LRRIQ1: variants seen among roughly 807,000 people sequenced by gnomAD.
LRRIQ1 encodes leucine rich repeats and IQ motif containing 1, also known as leucine-rich repeat- and IQ domain-containing protein 1.
Under a neutral mutation model 211.9 loss-of-function variants are expected in LRRIQ1, and 210 were observed. That is an observed-to-expected ratio of 0.99 (90% confidence interval 0.89 to 1.11). LRRIQ1 has a LOEUF of 1.11. LRRIQ1 is among the 50% of genes most tolerant of loss of function. The pLI, the probability that LRRIQ1 is intolerant of heterozygous loss-of-function variation, is 0.00. For synonymous variants in LRRIQ1, 699 were observed against 650.1 expected (o/e 1.08, Z -1.14); for missense variants, 2,136 against 1,939.5 (o/e 1.10, Z -1.90).
At chr12:85,042,361 A>G (rs760857141) in intron 3 of LRRIQ1, among the ~76,000 whole-genome samples, 18 of 149,848 alleles carry the variant, frequency 1.2e-4, no homozygotes, top group Non-Finnish European at 1.9e-4. Flanking sequence ...TTAATTATTT[A>G]AAATCGTTAA....
chr12:85,145,869 G>A (rs552129207), intron 19 of LRRIQ1, among the ~76,000 whole-genome samples: 22 of 151,800 alleles, frequency 1.4e-4, no homozygotes, highest in African/African-American at 4.1e-4. Flanking sequence ...AAAATCTGTC[G>A]TAAGTCATGC....
At chr12:85,041,593 T>C (rs953583282) in intron 3 of LRRIQ1, among the ~76,000 whole-genome samples, 17 of 151,636 alleles carry the variant, frequency 1.1e-4, no homozygotes, top group African/African-American at 3.6e-4. Flanking sequence ...TTAATATGTT[T>C]GAATAACAGC....
chr12:85,166,542 T>G (rs1422509739), intron 24 of LRRIQ1, among the ~76,000 whole-genome samples: 2 of 152,238 alleles, frequency 1.3e-5, no homozygotes, highest in African/African-American at 4.8e-5. Context: ...ACTTTAGAAT[T>G]ATAAGCATTT....
intron 1 of LRRIQ1, among the ~76,000 whole-genome samples, chr12:85,257,407 C>T (rs953187170): frequency 6.7e-6 from 1 of 149,882 alleles, no homozygotes; most frequent in African/African-American, 2.4e-5. Context: ...TGGGAATAGA[C>T]CTTTCCCAAA....
At chr12:85,038,627 T>G (rs572951871) in intron 2 of LRRIQ1, among the ~76,000 whole-genome samples, 73 of 151,808 alleles carry the variant, frequency 4.8e-4, no homozygotes, top group African/African-American at 1.7e-3. Flanking sequence ...CAAATTATCC[T>G]TTTATTTGTG....
intron 24 of LRRIQ1, among the ~76,000 whole-genome samples, chr12:85,180,364 AAAT>A (rs1465108568): frequency 6.6e-6 from 1 of 152,006 alleles, no homozygotes; most frequent in Non-Finnish European, 1.5e-5. Context: ...TCAAAAAACT[AAAT>A]AATATTTTCC....
At chr12:85,082,871 A>T (rs11116697) in intron 11 of LRRIQ1, among the ~76,000 whole-genome samples, 8,666 of 152,182 alleles carry the variant, frequency 0.057, 834 homozygotes, top group African/African-American at 0.2. Flanking sequence ...ATTTGGAATG[A>T]AAGTTTGGCC....
intron 24 of LRRIQ1, among the ~76,000 whole-genome samples, chr12:85,196,912 T>C (rs979092498): frequency 2.2e-4 from 33 of 151,908 alleles, no homozygotes; most frequent in African/African-American, 7.7e-4. Flanking sequence ...GGGAGAAAAT[T>C]TTTGCAACCT....
chr12:85,187,810 A>C (rs893809320), intron 24 of LRRIQ1, among the ~76,000 whole-genome samples: 2 of 136,330 alleles, frequency 1.5e-5, no homozygotes, highest in Non-Finnish European at 3.1e-5. Flanking sequence ...ACTTCATCTC[A>C]AAAAAAAAAA....
chr12:85,103,895 G>A, intron 13 of LRRIQ1, 109 bp from the exon 14 acceptor site: 1 of 440,808 alleles, frequency 2.3e-6, no homozygotes, highest in East Asian at 4.5e-5. Context: ...TATAAAATGT[G>A]TATAATTATA....
At chr12:85,109,585 C>T (rs967958336) in intron 15 of LRRIQ1, among the ~76,000 whole-genome samples, 1 of 152,086 alleles carries the variant, frequency 6.6e-6, no homozygotes, top group African/African-American at 2.4e-5. Context: ...TGACCTAGTA[C>T]AGTGGTTCTC....
At chr12:85,169,460 A>G (rs1334989343) in intron 24 of LRRIQ1, among the ~76,000 whole-genome samples, 1 of 152,100 alleles carries the variant, frequency 6.6e-6, no homozygotes, top group Non-Finnish European at 1.5e-5. Context: ...TTGTCCTTTG[A>G]ATAAAAGCTG....
chr12:85,071,881 C>T (rs774578785), intron 10 of LRRIQ1, among the ~76,000 whole-genome samples: 6 of 152,056 alleles, frequency 3.9e-5, no homozygotes, highest in Non-Finnish European at 7.4e-5. Flanking sequence ...TTATCTCCAC[C>T]TGGCCTGCCC....
At position 85,152,308 on chromosome 12, in the gene LRRIQ1, T is replaced by G. The variant is rs1403118594; in HGVS notation, c.4358T>G (p.Leu1453Ter). 5.0e-6 allele frequency: 8 copies of G among 1,611,196 alleles called. No individual in the cohort carries two copies. The African/African-American group carries it at 8.0e-5, about 16-fold the overall frequency. ...GCCTTAGAAGAAGAATGGCTAGCAT[T>G]AGATTCCACCCGCTTCCCTTCACAA... ...EAALEEEWLA[L>*]DSTRFPSQTL... Residue 1453 changes from leucine to a stop codon, truncating the protein, a stop_gained, in exon 20 of 27, where the codon TTA becomes TGA. Transcript: ENST00000393217. LOFTEE classifies it high-confidence loss of function.
chr12:85,148,681 G>T (rs1278226278), intron 19 of LRRIQ1, among the ~76,000 whole-genome samples: 1 of 151,806 alleles, frequency 6.6e-6, no homozygotes, highest in Non-Finnish European at 1.5e-5. Flanking sequence ...GAGATTGCTG[G>T]GTCAAATGGT....
chr12:85,046,194 A>C (rs925690697), intron 5 of LRRIQ1, 57 bp downstream of exon 5: 27 of 1,050,902 alleles, frequency 2.6e-5, no homozygotes, highest in Middle Eastern at 2.1e-4. Flanking sequence ...GATCATAGTT[A>C]TTTAAAAAAA....
chr12:85,157,407 T>G, intron 23 of LRRIQ1, among the ~76,000 whole-genome samples: 1 of 151,900 alleles, frequency 6.6e-6, no homozygotes, highest in East Asian at 1.9e-4. Context: ...TTTTTCCTAG[T>G]GAGTAATTGC....
At position 85,053,821 on chromosome 12, in the gene LRRIQ1, C is replaced by A. The variant is rs564195412; in HGVS notation, c.753+1570C>A. Among the ~76,000 whole-genome samples the A allele has an allele frequency of 2.0e-5, 3 of 152,328 alleles. No individual in the cohort carries two copies. The East Asian group carries it at 5.8e-4, about 29-fold the overall frequency. On this transcript the variant is annotated intron_variant, in intron 7 of 26. Coordinates refer to ENST00000393217, the MANE Select transcript of LRRIQ1 (RefSeq NM_001079910.2). Reference sequence around the variant, plus strand: ...CTCCTGGGTTCACGCCATTCTCCTGCCTCAGCCTCCCGAGTAGCTGGGACT... The same window carrying A: ...CTCCTGGGTTCACGCCATTCTCCTGACTCAGCCTCCCGAGTAGCTGGGACT...
intron 24 of LRRIQ1, among the ~76,000 whole-genome samples, chr12:85,200,982 G>T (rs1300534785): frequency 7.2e-6 from 1 of 138,474 alleles, no homozygotes; most frequent in East Asian, 2.0e-4. Context: ...ACCATTCCTG[G>T]CTAATTTTTC....
Sources: allele counts gnomAD v4.1 joint callset (sites outside exome capture counted in the v4.1 genomes callset), GRCh38; gene constraint gnomAD v4.1.1; transcripts MANE v1.5; gene names NCBI Gene and HGNC (gene_info 2026-07-23, HGNC 2026-07-21).